ERC2: variants seen among roughly 807,000 people sequenced by gnomAD.
The protein encoded by ERC2 is ERC protein 2.
In ERC2, 42 loss-of-function variants were observed where a neutral mutation model predicts 114.8. The ratio of observed to expected loss-of-function variants is 0.37; its 90% CI spans 0.29 to 0.47. The LOEUF is 0.47. Ranked by LOEUF, ERC2 falls within the 20% of genes least tolerant of loss-of-function variation. ERC2 has a pLI of 0.99. For synonymous variants in ERC2, 454 were observed against 425.5 expected (o/e 1.07, Z -0.82); for missense variants, 939 against 1,150.7 (o/e 0.82, Z 2.66).
intron 14 of ERC2, among the ~76,000 whole-genome samples, chr3:55,865,494 T>C (rs180713196): frequency 2.6e-5 from 4 of 152,262 alleles, no homozygotes; most frequent in South Asian, 2.1e-4. Flanking sequence ...CAATTCACCA[T>C]TGAACTACAG....
At chr3:55,907,133 G>C (rs1216810010) in intron 13 of ERC2, among the ~76,000 whole-genome samples, 1 of 152,220 alleles carries the variant, frequency 6.6e-6, no homozygotes, top group African/African-American at 2.4e-5. Context: ...AAGTAGTGGT[G>C]ATGTCACCTG....
rs1197365985 is a variant in ERC2, at chr3:55,742,095, GA to G, written c.2565-7178del. Reference sequence around the variant, plus strand: ...CAAAAAAAATGGTTTTAGCCACCCTGAAAAAAAAAAAAACAAAACCTTCCAT... The same window carrying G: ...CAAAAAAAATGGTTTTAGCCACCCTGAAAAAAAAAAAACAAAACCTTCCAT... On this transcript the variant is annotated intron_variant, in intron 14 of 17. Coordinates refer to ENST00000288221, the MANE Select transcript of ERC2 (RefSeq NM_015576.3). Among the ~76,000 whole-genome samples, 251 of 132,730 alleles carry G rather than the reference GA, an allele frequency of 1.9e-3. 1 individual carries two copies. The highest frequency in any genetic ancestry group is 5.7e-3 in the African/African-American group (204 of 36,008). The allele number at this position is 132,730 out of a possible 152,430, so 87.1% of individuals were successfully genotyped here.
At chr3:55,632,854 G>A (rs528364841) in intron 17 of ERC2, among the ~76,000 whole-genome samples, 2 of 152,322 alleles carry the variant, frequency 1.3e-5, no homozygotes, top group African/African-American at 4.8e-5. Context: ...AAAGGAAGTT[G>A]GTTAGTCAGC....
intron 15 of ERC2, among the ~76,000 whole-genome samples, chr3:55,723,981 T>G (rs1046068686): frequency 6.6e-6 from 1 of 151,742 alleles, no homozygotes; most frequent in Non-Finnish European, 1.5e-5. Context: ...AATTATATGA[T>G]GAGAGGAAGG....
Position 55,875,371 on chromosome 3 carries a change from G to A in ERC2, c.2564+13018C>T, listed in dbSNP as rs558688387. Among the ~76,000 whole-genome samples, 7 of 152,300 alleles carry A rather than the reference G, an allele frequency of 4.6e-5. No individual in the cohort carries two copies. In the South Asian group the frequency reaches 8.3e-4, roughly 18 times the overall value. ...CAGTGCACTCTGCAAATGTCTTCAA[G>A]TAAGTGAAGCATCAGGGGTGAGGTA... On this transcript the variant is annotated intron_variant, in intron 14 of 17. Transcript: ENST00000288221.
At chr3:55,755,402 A>G (rs555158813) in intron 14 of ERC2, among the ~76,000 whole-genome samples, 6 of 152,312 alleles carry the variant, frequency 3.9e-5, no homozygotes, top group African/African-American at 1.4e-4. Context: ...ATGAGAACCA[A>G]CAAATCACAA....
intron 2 of ERC2, among the ~76,000 whole-genome samples, chr3:56,324,717 C>G (rs1047361156): frequency 6.6e-6 from 1 of 152,132 alleles, no homozygotes; most frequent in Non-Finnish European, 1.5e-5. Flanking sequence ...GCCACAGAAA[C>G]AAGATGTAAC....
intron 17 of ERC2, among the ~76,000 whole-genome samples, chr3:55,558,575 C>T (rs1339126394): frequency 6.6e-6 from 1 of 152,236 alleles, no homozygotes; most frequent in African/African-American, 2.4e-5. Context: ...AGATGCAATG[C>T]TCTGAAGTTA....
At chr3:56,079,041 C>A (rs573849371) in intron 7 of ERC2, among the ~76,000 whole-genome samples, 132 of 151,846 alleles carry the variant, frequency 8.7e-4, no homozygotes, top group African/African-American at 3.0e-3. Context: ...TGAACAGAGA[C>A]CTGAAAGAAG....
intron 2 of ERC2, among the ~76,000 whole-genome samples, chr3:56,318,746 A>G (rs1265645887): frequency 6.6e-6 from 1 of 151,866 alleles, no homozygotes; most frequent in African/African-American, 2.4e-5. Context: ...CAAACTCACA[A>G]TGAGATATCA....
chr3:55,729,895 T>C (rs1340554253), intron 15 of ERC2, among the ~76,000 whole-genome samples: 2 of 139,950 alleles, frequency 1.4e-5, no homozygotes, highest in African/African-American at 2.7e-5. Flanking sequence ...GCGGTCTTTA[T>C]GTATTTTGGT....
At chr3:55,803,943 T>A (rs946472340) in intron 14 of ERC2, among the ~76,000 whole-genome samples, 1 of 152,194 alleles carries the variant, frequency 6.6e-6, no homozygotes, top group Non-Finnish European at 1.5e-5. Flanking sequence ...TAGAACTTCC[T>A]CAGAGCTCAG....
At chr3:55,720,892 T>G (rs1438687882) in intron 15 of ERC2, among the ~76,000 whole-genome samples, 1 of 152,186 alleles carries the variant, frequency 6.6e-6, no homozygotes, top group Non-Finnish European at 1.5e-5. Flanking sequence ...TCTTTAATCC[T>G]TAGGGGTTTT....
intron 7 of ERC2, among the ~76,000 whole-genome samples, chr3:56,037,530 G>C (rs1406413373): frequency 6.6e-6 from 1 of 152,100 alleles, no homozygotes; most frequent in African/African-American, 2.4e-5. Flanking sequence ...AGGAACAAAA[G>C]CTCTGAGAAC....
At chr3:55,886,001 T>C (rs755220399) in intron 14 of ERC2, among the ~76,000 whole-genome samples, 1 of 152,216 alleles carries the variant, frequency 6.6e-6, no homozygotes, top group Non-Finnish European at 1.5e-5. Context: ...GCTCCTTTTA[T>C]AAACAGGAAG....
chr3:56,160,179 A>G (rs2081973448), intron 4 of ERC2, among the ~76,000 whole-genome samples: 1 of 152,158 alleles, frequency 6.6e-6, no homozygotes, highest in Non-Finnish European at 1.5e-5. Flanking sequence ...TGACTTTTTA[A>G]TAATAGCCAT....
chr3:55,974,491 A>C (rs748736372), intron 12 of ERC2, among the ~76,000 whole-genome samples: 1 of 152,204 alleles, frequency 6.6e-6, no homozygotes, highest in Non-Finnish European at 1.5e-5. Context: ...TTCTCTAATC[A>C]CACTGTGTGG....
At chr3:56,050,508 C>A (rs942977956) in intron 7 of ERC2, among the ~76,000 whole-genome samples, 1 of 152,146 alleles carries the variant, frequency 6.6e-6, no homozygotes, top group Non-Finnish European at 1.5e-5. Flanking sequence ...CTGCCTAATT[C>A]GCCAGCCTCC....
chr3:55,929,892 C>T (rs2065972825), intron 13 of ERC2, among the ~76,000 whole-genome samples: 1 of 152,210 alleles, frequency 6.6e-6, no homozygotes, highest in African/African-American at 2.4e-5. Flanking sequence ...CTCAGCCATG[C>T]TTCCTGTACA....
Sources: gnomAD v4.1 joint callset for allele counts (sites outside exome capture counted in the v4.1 genomes callset) on GRCh38, gnomAD v4.1.1 for gene constraint, MANE v1.5 for transcripts, NCBI Gene and HGNC (gene_info 2026-07-23, HGNC 2026-07-21) for gene names.